PARVG: variants seen among roughly 807,000 people sequenced by gnomAD.
The protein encoded by PARVG is parvin gamma.
Under a neutral mutation model 44.4 loss-of-function variants are expected in PARVG, and 36 were observed. The observed-to-expected ratio is 0.81, with a 90% CI of 0.62 to 1.07. The LOEUF (loss-of-function observed/expected upper bound fraction) is 1.07, where lower values mean the gene tolerates loss of function less well. Ranked by LOEUF, PARVG falls within the 50% of genes least tolerant of loss-of-function variation. The pLI is 0.00. For synonymous variants in PARVG, 170 were observed against 174.1 expected (o/e 0.98, Z 0.19); for missense variants, 407 against 407.4 (o/e 1.00, Z 0.01).
rs1202677835 is a variant in PARVG at position 44,189,159 on chromosome 22, C to T, written c.293C>T (p.Thr98Ile). 3.1e-6 allele frequency: 5 copies of T among 1,614,068 alleles called. No individual in the cohort carries two copies. The highest frequency in any genetic ancestry group is 4.2e-6 in the Non-Finnish European group (5 of 1,180,050). The part of the protein sequence containing the change: ...LKLEAEDIAL[T>I]ATSQKHKLTV... ...CTGGAAGCAGAGGACATCGCCCTGA[C>T]AGCCACAAGCCAGAAGCACAAGCTC... The change falls in exon 6 of 14, where the codon ACA becomes ATA. Residue 98 changes from threonine to isoleucine, a missense_variant. Transcript: ENST00000444313.
At chr22:44,197,048 A>G (rs1239972345) in intron 11 of PARVG, among the ~76,000 whole-genome samples, 3 of 152,138 alleles carry the variant, frequency 2.0e-5, no homozygotes, top group Non-Finnish European at 4.4e-5. Flanking sequence ...CAGAGTGGGC[A>G]TGGAGTCTGC....
chr22:44,185,056 A>G (rs56340514), intron 3 of PARVG: 13,075 of 152,218 alleles, frequency 0.086, 725 homozygotes, highest in East Asian at 0.19. Context: ...CACCCGCCCA[A>G]GTGTTTGCTG....
At position 44,181,473 on chromosome 22, in the gene PARVG, T is replaced by C. The variant is rs898688006; in HGVS notation, c.-188-269T>C. On this transcript the variant is annotated intron_variant, in intron 1 of 13. Coordinates refer to ENST00000444313, the MANE Select transcript of PARVG (RefSeq NM_022141.7). ...GCGGGATGGAGGGTGGAGGCCAGGC[T>C]GACAGGGTGCTGGTGGTGGGTTGCG... is the stretch of plus-strand genomic sequence containing the variant. 14 of 875,894 alleles carry C rather than the reference T, an allele frequency of 1.6e-5. No homozygotes were observed. In the African/African-American group the frequency reaches 2.5e-4, roughly 16 times the overall value. 54.3% of individuals were successfully genotyped at this position (875,894 alleles called of 1,614,324 possible). A position where few individuals can be genotyped will look rare whatever the true frequency, so the allele number is the denominator to read the frequency against.
chr22:44,198,629 T>C lies in PARVG; in HGVS notation c.720T>C (p.Asp240=), dbSNP rs779059308. 33 of 1,612,860 alleles carry C rather than the reference T, an allele frequency of 2.0e-5. No homozygotes were observed. Among genetic ancestry groups the C allele is most frequent in the Non-Finnish European group, 2.6e-5 (31 of 1,178,858 alleles). ...AGTTCCTTCCTTTGTAGTTTGCAGATGGGGTCATCTTACTCTTGCTGATTG... is the reference window on the plus strand; with the variant it reads ...AGTTCCTTCCTTTGTAGTTTGCAGACGGGGTCATCTTACTCTTGCTGATTG... ...SVQNLDTQFA[D]GVILLLLIGQ... The change falls in exon 12 of 14, where the codon GAT becomes GAC. Residue 240 remains aspartate (D), a synonymous_variant. Transcript: ENST00000444313.
chr22:44,198,848 A>G (rs2054654470), intron 12 of PARVG, 126 bp downstream of exon 12: 1 of 710,374 alleles, frequency 1.4e-6, no homozygotes, highest in African/African-American at 1.8e-5. Context: ...TTATTTGTCT[A>G]TATGTCTGCC....
In PARVG at chr22:44,206,717, G is replaced by A. The variant is rs1311594828; in HGVS notation, c.*291G>A. ...AAACCTGCAGCCTCCCTCCCATGGGGTGAGTGTGTGTCACATCAGTCTCTC... is the reference window on the plus strand; with the variant it reads ...AAACCTGCAGCCTCCCTCCCATGGGATGAGTGTGTGTCACATCAGTCTCTC... On this transcript the variant is annotated 3_prime_UTR_variant, in exon 14 of 14. Coordinates refer to ENST00000444313, the MANE Select transcript of PARVG (RefSeq NM_022141.7). The A allele has an allele frequency of 2.5e-6, 1 of 405,740 alleles. No homozygotes were observed. Among genetic ancestry groups the A allele is most frequent in the African/African-American group, 2.1e-5 (1 of 48,420 alleles). 25.1% of individuals were successfully genotyped at this position (405,740 alleles called of 1,614,324 possible). A position where few individuals can be genotyped will look rare whatever the true frequency, so the allele number is the denominator to read the frequency against.
At chr22:44,183,497 C>T (rs2054417431) in intron 3 of PARVG, 89 bp downstream of exon 3, 5 of 1,291,514 alleles carry the variant, frequency 3.9e-6, no homozygotes, top group Non-Finnish European at 5.2e-6. Context: ...CAGCACCTTC[C>T]CAGCTGTCAG....
chr22:44,203,342 A>T (rs1277711156), intron 12 of PARVG, among the ~76,000 whole-genome samples: 2 of 152,340 alleles, frequency 1.3e-5, no homozygotes, highest in South Asian at 4.1e-4. Flanking sequence ...ATGAATAAAT[A>T]ACTTGGGGAA....
rs1422029757 is a variant in PARVG, at chr22:44,182,677, C to A, written c.-12-641C>A. Among the ~76,000 whole-genome samples the A allele has an allele frequency of 1.3e-5, 2 of 152,186 alleles. No homozygotes were observed. The highest frequency in any genetic ancestry group is 2.4e-5 in the African/African-American group (1 of 41,456). ...GGGAGGCCAGAAGGCGCCAGCCGAG[C>A]CAGCGAAGCCTTCACAGGAGAGGAA... On this transcript the variant is annotated intron_variant, in intron 2 of 13. Coordinates refer to ENST00000444313, the MANE Select transcript of PARVG (RefSeq NM_022141.7). This position sits in a 1 kb window ranked among gnomAD's most constrained non-coding sequence, Gnocchi z 4.6.
At chr22:44,180,625 T>C (rs1034697467), upstream of PARVG, among the ~76,000 whole-genome samples, 2 of 152,174 alleles carry the variant, frequency 1.3e-5, no homozygotes, top group Non-Finnish European at 2.9e-5. Flanking sequence ...CTCTGTAATA[T>C]GGGGGTGATG....
chr22:44,196,362 G>T lies in PARVG; in HGVS notation c.658G>T (p.Val220Phe), dbSNP rs139404110. Reference sequence around the variant, plus strand: ...CCCTGGTTAGGCCATCGTGAACTTTGTCAACCAGAAGCTGGACCGCCTGGG... The same window carrying T: ...CCCTGGTTAGGCCATCGTGAACTTTTTCAACCAGAAGCTGGACCGCCTGGG... The part of the protein sequence containing the change: ...NAVKEAIVNF[V>F]NQKLDRLGLS... The change falls in exon 11 of 14, where the codon GTC becomes TTC. Residue 220 changes from valine (V) to phenylalanine (F), a missense_variant. Val to Phe is a conservative substitution (Grantham distance 50). Coordinates refer to ENST00000444313, the MANE Select transcript of PARVG (RefSeq NM_022141.7). 246 of 1,614,232 alleles carry T rather than the reference G, an allele frequency of 1.5e-4. No individual in the cohort carries two copies. The highest frequency in any genetic ancestry group is 5.2e-4 in the Admixed American group (31 of 60,026).
intron 12 of PARVG, among the ~76,000 whole-genome samples, chr22:44,201,542 C>T (rs11703937): frequency 0.26 from 38,842 of 152,090 alleles, 5,441 homozygotes; most frequent in Middle Eastern, 0.41. Flanking sequence ...GCAACGAGGC[C>T]GGGGCAGTCA....
chr22:44,190,614 A>G lies in PARVG; in HGVS notation c.452A>G (p.Gln151Arg). 1 of 1,614,162 alleles carries G rather than the reference A, an allele frequency of 6.2e-7. No homozygotes were observed. Among genetic ancestry groups the G allele is most frequent in the Non-Finnish European group, 8.5e-7 (1 of 1,180,010 alleles). ...HLLVALAKRF[Q>R]PDLSLPTNVQ... is the part of the protein sequence containing the mutation. ...CTTGTGGCCCTGGCCAAGCGCTTCCAGCCCGACCTCTCCCTCCCAACCAAC... is the reference window on the plus strand; with the variant it reads ...CTTGTGGCCCTGGCCAAGCGCTTCCGGCCCGACCTCTCCCTCCCAACCAAC... Residue 151 changes from glutamine to arginine, a missense_variant, in exon 7 of 14, where the codon CAG becomes CGG. Physicochemically the swap from Gln to Arg is conservative, Grantham distance 43 (BLOSUM62 1). Transcript: ENST00000444313.
At chr22:44,193,580 T>C (rs2054578358) in intron 8 of PARVG, among the ~76,000 whole-genome samples, 1 of 152,146 alleles carries the variant, frequency 6.6e-6, no homozygotes, top group Non-Finnish European at 1.5e-5. Flanking sequence ...TGTTTCTAGG[T>C]GTGGAAGCCT....
chr22:44,182,447 G>C lies in PARVG; in HGVS notation c.-13+530G>C, dbSNP rs1044671059. 3.9e-5 allele frequency among the ~76,000 whole-genome samples: 6 copies of C among 152,136 alleles called. No individual in the cohort carries two copies. The highest frequency in any genetic ancestry group is 8.8e-5 in the Non-Finnish European group (6 of 68,024). ...GTGTCCCCACCACCTCCATGCTACA[G>C]GGCAGGATGGAGTCTGGCATCCCCC... On this transcript the variant is annotated intron_variant, in intron 2 of 13. Transcript: ENST00000444313. The surrounding 1 kb of genome is among the most constrained non-coding windows in gnomAD (Gnocchi z 4.6).
chr22:44,190,124 T>G (rs1363438043), intron 6 of PARVG, among the ~76,000 whole-genome samples: 1 of 152,174 alleles, frequency 6.6e-6, no homozygotes, highest in Middle Eastern at 3.2e-3. Flanking sequence ...AAACCCAGGT[T>G]TTGTTGGGTC....
In PARVG at chr22:44,181,153, C is replaced by T. The variant is rs1225373327; in HGVS notation, c.-221C>T. On this transcript the variant is annotated 5_prime_UTR_variant, in exon 1 of 14. Transcript: ENST00000444313. ...CCACCACCAATATTTATTCACTGAG[C>T]CCACTTTGTGCCAAGCATTGTTCTA... The T allele has an allele frequency of 1.3e-5, 5 of 395,524 alleles. No homozygotes were observed. Among genetic ancestry groups the T allele is most frequent in the Non-Finnish European group, 1.0e-5 (3 of 290,676 alleles). The allele number at this position is 395,524 out of a possible 1,614,324, so 24.5% of individuals were successfully genotyped here. A position where few individuals can be genotyped will look rare whatever the true frequency, so the allele number is the denominator to read the frequency against.
intron 12 of PARVG, among the ~76,000 whole-genome samples, chr22:44,202,997 T>A (rs2054729827): frequency 6.6e-6 from 1 of 152,184 alleles, no homozygotes; most frequent in Non-Finnish European, 1.5e-5. Context: ...GGTAGTTTTA[T>A]CTTCATCTCA....
intron 12 of PARVG, among the ~76,000 whole-genome samples, chr22:44,201,537 G>A (rs760131452): frequency 4.8e-4 from 73 of 152,326 alleles, no homozygotes; most frequent in African/African-American, 1.5e-3. Flanking sequence ...TCAGAGCAAC[G>A]AGGCCGGGGC....
Sources: allele counts gnomAD v4.1 joint callset (sites outside exome capture counted in the v4.1 genomes callset), GRCh38; gene constraint gnomAD v4.1.1; non-coding constraint Gnocchi (gnomAD v3.1); transcripts MANE v1.5; gene names NCBI Gene and HGNC (gene_info 2026-07-23, HGNC 2026-07-21).